Variants in PCDHGB1 observed in about 807,000 individuals in gnomAD.
PCDHGB1 encodes protocadherin gamma-B1.
In PCDHGB1, 34 loss-of-function variants were observed where a neutral mutation model predicts 56.6. That is an observed-to-expected ratio of 0.60 (90% CI 0.46 to 0.80). The LOEUF (loss-of-function observed/expected upper bound fraction) is 0.80, where lower values mean the gene tolerates loss of function less well. Among genes scored for constraint, PCDHGB1 ranks in the 30% least tolerant of loss-of-function variants. PCDHGB1 has a pLI of 0.00. For synonymous variants in PCDHGB1, 561 were observed against 505.9 expected (o/e 1.11, Z -1.46); for missense variants, 1,278 against 1,204.6 (o/e 1.06, Z -0.90).
chr5:141,486,506 A>C lies in PCDHGB1; in HGVS notation c.2410-8301A>C. The C allele has an allele frequency of 6.2e-7, 1 of 1,614,134 alleles. No individual in the cohort carries two copies. The highest frequency in any genetic ancestry group is 8.5e-7 in the Non-Finnish European group (1 of 1,180,006). Reference sequence around the variant, plus strand: ...TACCCACAGAACTATTTTCCTCAATATTTCAGATGTGAATGATAATCCACC... The same window carrying C: ...TACCCACAGAACTATTTTCCTCAATCTTTCAGATGTGAATGATAATCCACC... On this transcript the variant is annotated intron_variant, in intron 1 of 3. Transcript: ENST00000523390. The surrounding 1 kb of genome is among the most constrained non-coding windows in gnomAD (Gnocchi z 5.0).
Position 141,350,850 on chromosome 5 carries a change from T to C in PCDHGB1, c.590T>C (p.Leu197Pro), listed in dbSNP as rs760044821. The change falls in exon 1 of 4, where the codon CTA (leucine) becomes CCA (proline). Residue 197 changes from leucine (L) to proline (P), a missense_variant. Leu to Pro is a moderately conservative substitution (Grantham distance 98). Coordinates refer to ENST00000523390, the MANE Select transcript of PCDHGB1 (RefSeq NM_018922.3). ...CCGGTATTACTGCTGGAAAAACCTC[T>C]AGACAGGGAACATCAGAGCTCTCAT... ...KYPVLLLEKP[L>P]DREHQSSHRL... 2.5e-6 allele frequency: 4 copies of C among 1,614,072 alleles called. No individual in the cohort carries two copies. The highest frequency in any genetic ancestry group is 4.5e-5 in the East Asian group (2 of 44,892).
chr5:141,469,226 A>G (rs998643671), intron 1 of PCDHGB1, among the ~76,000 whole-genome samples: 1 of 152,066 alleles, frequency 6.6e-6, no homozygotes, highest in Non-Finnish European at 1.5e-5. Context: ...TCAGTGAGCC[A>G]TGATCACCCC....
intron 1 of PCDHGB1, chr5:141,384,099 T>A (rs1456303515): frequency 6.3e-7 from 1 of 1,597,622 alleles, no homozygotes; most frequent in Non-Finnish European, 8.5e-7. Flanking sequence ...CAATAGATAA[T>A]TATTATAGAT....
At chr5:141,361,689 C>A (rs752885909) in intron 1 of PCDHGB1, 20 of 1,613,502 alleles carry the variant, frequency 1.2e-5, no homozygotes, top group Non-Finnish European at 1.7e-5. Flanking sequence ...TCGCGCAGCG[C>A]GCCTTCGATC....
In PCDHGB1 at chr5:141,487,460, G is replaced by T; in HGVS notation, c.2410-7347G>T. ...AGGGTCAGATGACCCTATCAAGTTT[G>T]TTGATGTGGGAGGCCACTCTCATGG... On this transcript the variant is annotated intron_variant, in intron 1 of 3. Transcript: ENST00000523390. The surrounding 1 kb of genome is among the most constrained non-coding windows in gnomAD (Gnocchi z 5.0). 1 of 1,614,170 alleles carries T rather than the reference G, an allele frequency of 6.2e-7. No individual in the cohort carries two copies. Among genetic ancestry groups the T allele is most frequent in the Non-Finnish European group, 8.5e-7 (1 of 1,180,024 alleles).
At position 141,493,412 on chromosome 5, in the gene PCDHGB1, G is replaced by A. The variant is rs1288041038; in HGVS notation, c.2410-1395G>A. Among the ~76,000 whole-genome samples, 3 of 152,114 alleles carry A rather than the reference G, an allele frequency of 2.0e-5. No individual in the cohort carries two copies. The highest frequency in any genetic ancestry group is 4.4e-5 in the Non-Finnish European group (3 of 68,024). On this transcript the variant is annotated intron_variant, in intron 1 of 3. Coordinates refer to ENST00000523390, the MANE Select transcript of PCDHGB1 (RefSeq NM_018922.3). This position sits in a 1 kb window ranked among gnomAD's most constrained non-coding sequence, Gnocchi z 4.3. ...CAGGAGAGGGGAGTTGCCTCTGCTG[G>A]GATTTTGCTTCTGCTGGGATGGGGC...
chr5:141,364,482 A>G, intron 1 of PCDHGB1: 1 of 1,614,024 alleles, frequency 6.2e-7, no homozygotes, highest in South Asian at 1.1e-5. Flanking sequence ...ATAGCCAAGG[A>G]CCTTGGGCTG....
At chr5:141,450,957 T>G (rs2154563418) in intron 1 of PCDHGB1, among the ~76,000 whole-genome samples, 1 of 152,010 alleles carries the variant, frequency 6.6e-6, no homozygotes, top group Non-Finnish European at 1.5e-5. Context: ...CCCAAGTAGC[T>G]GGGATTACAG....
chr5:141,470,565 A>T (rs2099233471), intron 1 of PCDHGB1, among the ~76,000 whole-genome samples: 1 of 152,172 alleles, frequency 6.6e-6, no homozygotes, highest in African/African-American at 2.4e-5. Context: ...CCTCTGTGCC[A>T]AGCAGGATCA....
rs746063311 is a variant in PCDHGB1, at chr5:141,376,553, G to C, written c.2409+23884G>C. 1.7e-5 allele frequency: 28 copies of C among 1,610,698 alleles called. No homozygotes were observed. The Admixed American group carries it at 2.2e-4, about 13-fold the overall frequency. On this transcript the variant is annotated intron_variant, in intron 1 of 3. Coordinates refer to ENST00000523390, the MANE Select transcript of PCDHGB1 (RefSeq NM_018922.3). ...GCGGGAAGAGTAATCTGATCTTCCC[G>C]CAACCCAACTAATCAGACAGGCTCA...
intron 2 of PCDHGB1, among the ~76,000 whole-genome samples, chr5:141,503,448 C>T (rs765046868): frequency 2.0e-5 from 3 of 151,808 alleles, no homozygotes; most frequent in South Asian, 2.1e-4. Context: ...TACAAAAATT[C>T]GCTGGGCATG....
intron 1 of PCDHGB1, chr5:141,442,491 T>G (rs1438583747): frequency 6.6e-6 from 1 of 152,236 alleles, no homozygotes; most frequent in Non-Finnish European, 1.5e-5. Flanking sequence ...AGGGGATGAT[T>G]GTGATTATTC....
At position 141,511,271 on chromosome 5, in the gene PCDHGB1, C is replaced by T. The variant is rs371445452; in HGVS notation, c.*98C>T. ...GCCTCAGAGTTTCAGGGCTAACCCC[C>T]AGAATACTGGTAGGGGCCAAGGCCA... On this transcript the variant is annotated 3_prime_UTR_variant, in exon 4 of 4. Transcript: ENST00000523390. 9.1e-6 allele frequency: 14 copies of T among 1,544,094 alleles called. No individual in the cohort carries two copies. In the African/African-American group the frequency reaches 1.6e-4, roughly 18 times the overall value.
chr5:141,371,947 G>A (rs1208928523), intron 1 of PCDHGB1: 3 of 1,613,182 alleles, frequency 1.9e-6, no homozygotes, highest in Admixed American at 3.3e-5. Context: ...TTCGCGCAGC[G>A]AGCCTTCGAC....
At chr5:141,461,819 A>T (rs573339238) in intron 1 of PCDHGB1, among the ~76,000 whole-genome samples, 68 of 149,282 alleles carry the variant, frequency 4.6e-4, no homozygotes, top group Non-Finnish European at 9.5e-4. Flanking sequence ...ACACCCAGCT[A>T]ATTTTTTTTT....
chr5:141,472,980 C>CAAAAAAAAAAAAAAA (rs60579131), intron 1 of PCDHGB1, among the ~76,000 whole-genome samples: 13 of 86,076 alleles, frequency 1.5e-4, no homozygotes, highest in African/African-American at 1.9e-4. Context: ...GAGTGAAACT[C>CAAAAAAAAAAAAAAA]AAAAAAAAAA....
rs778372966 is a variant in PCDHGB1, at chr5:141,477,105, A to G, written c.2410-17702A>G. The G allele has an allele frequency of 7.4e-6, 12 of 1,614,106 alleles. No individual in the cohort carries two copies. The highest frequency in any genetic ancestry group is 4.0e-5 in the African/African-American group (3 of 74,934). On this transcript the variant is annotated intron_variant, in intron 1 of 3. Transcript: ENST00000523390. This position sits in a 1 kb window ranked among gnomAD's most constrained non-coding sequence, Gnocchi z 4.9. ...ATCCAGGCCAAAGACAAGGGCGCCA[A>G]TCCCGAAGGAGCACATTGCAAAGTG...
chr5:141,450,817 A>G, intron 1 of PCDHGB1, among the ~76,000 whole-genome samples: 1 of 137,534 alleles, frequency 7.3e-6, no homozygotes, highest in East Asian at 2.1e-4. Context: ...TTTATTTAAT[A>G]TTATTATTAT....
At chr5:141,480,205 A>G (rs2099514310) in intron 1 of PCDHGB1, among the ~76,000 whole-genome samples, 1 of 151,108 alleles carries the variant, frequency 6.6e-6, no homozygotes, top group Admixed American at 6.6e-5. Flanking sequence ...GCAGTTCAAG[A>G]CCAGCCTGAG....
Sources: gnomAD v4.1 joint callset for allele counts (sites outside exome capture counted in the v4.1 genomes callset) on GRCh38, gnomAD v4.1.1 for gene constraint, Gnocchi (gnomAD v3.1) non-coding constraint, MANE v1.5 for transcripts, NCBI Gene and HGNC (gene_info 2026-07-23, HGNC 2026-07-21) for gene names.